Variants in ZNF469 observed in about 807,000 individuals in gnomAD.
The protein encoded by ZNF469 is zinc finger protein 469.
In ZNF469, 1 loss-of-function variant was observed where a neutral mutation model predicts 1.0. The observed-to-expected ratio is 1.00, with a 90% confidence interval of 0.35 to 4.73. The LOEUF is 4.73. ZNF469 is among the 30% of genes most tolerant of loss of function. The probability of loss-of-function intolerance (pLI) is 0.16; values close to 1 mark genes in which losing one functional copy is unlikely to be tolerated. For synonymous variants in ZNF469, 2,703 were observed against 2,363.4 expected (o/e 1.14, Z -4.17); for missense variants, 6,100 against 5,356.3 (o/e 1.14, Z -4.33).
upstream of ZNF469, among the ~76,000 whole-genome samples, chr16:88,380,455 ATGCACACACACATGCACTCACACATACG>A (rs1227392744): frequency 1.8e-3 from 232 of 132,130 alleles, 2 homozygotes; most frequent in Non-Finnish European, 3.6e-4. Context: ...ACACACAGAC[ATGCACACACACATGCACTCACACATACG>A]TGCACACACA....
At chr16:88,233,890 C>G in the ZNF469 span, among the ~76,000 whole-genome samples, 1 of 152,238 alleles carries the variant, frequency 6.6e-6, no homozygotes, top group South Asian at 2.1e-4. Context: ...CTCTCTCGCC[C>G]GCAGCCCCGT....
chr16:88,437,954 G>A lies in ZNF469; in HGVS notation c.10484G>A (p.Gly3495Glu). The A allele has an allele frequency of 1.3e-6, 2 of 1,543,876 alleles. No individual in the cohort carries two copies. The highest frequency in any genetic ancestry group is 1.7e-6 in the Non-Finnish European group (2 of 1,144,560). Reference protein sequence around the residue: ...GPGEDRPPPRGSSPILSEGSL... With the variant: ...GPGEDRPPPRESSPILSEGSL... ...GGCGAGGACAGGCCTCCTCCCCGGG[G>A]AAGCAGCCCCATCCTGAGTGAGGGC... Residue 3495 changes from glycine to glutamate, a missense_variant, in exon 3 of 3, where the codon GGA becomes GAA. Physicochemically the swap from Gly to Glu is moderately conservative, Grantham distance 98. Transcript: ENST00000565624.
chr16:88,337,154 T>C, the ZNF469 span, among the ~76,000 whole-genome samples: 2 of 152,188 alleles, frequency 1.3e-5, no homozygotes, highest in Admixed American at 1.3e-4. Context: ...ACACCTGGTA[T>C]GGTTTGGCTG....
rs192697866 is a variant in ZNF469 at position 88,410,725 on chromosome 16, G to A, written c.-191-14082G>A. Among the ~76,000 whole-genome samples the A allele has an allele frequency of 4.4e-4, 67 of 151,782 alleles. 1 individual carries two copies. The highest frequency in any genetic ancestry group is 4.2e-4 in the South Asian group (2 of 4,798). ...AGTTCACGGTGACGTCTATGATGCC[G>A]TTGATGGTGCAGGTCACACAGTTCA... is the stretch of plus-strand genomic sequence containing the variant. On this transcript the variant is annotated intron_variant, in intron 1 of 2. Transcript: ENST00000565624.
At chr16:88,147,201 G>A in the ZNF469 span, among the ~76,000 whole-genome samples, 3,515 of 152,144 alleles carry the variant, frequency 0.023, 144 homozygotes, top group African/African-American at 0.08. Context: ...TCTGATGGCA[G>A]AGGAGGGGCC....
At chr16:88,185,759 C>CAGAG in the ZNF469 span, among the ~76,000 whole-genome samples, 1 of 9,148 alleles carries the variant, frequency 1.1e-4, no homozygotes, top group African/African-American at 3.8e-4. Flanking sequence ...TGCCCAGACC[C>CAGAG]ACAGACACAT....
chr16:88,291,951 G>A, the ZNF469 span, among the ~76,000 whole-genome samples: 2 of 152,216 alleles, frequency 1.3e-5, no homozygotes, highest in Non-Finnish European at 1.5e-5. Flanking sequence ...CTTGATGGCT[G>A]CTGGCTGCCC....
the ZNF469 span, among the ~76,000 whole-genome samples, chr16:88,226,837 A>T: frequency 6.7e-6 from 1 of 150,314 alleles, no homozygotes; most frequent in Non-Finnish European, 1.5e-5. Flanking sequence ...CCTCTGAGTT[A>T]AGAAGTGTGG....
upstream of ZNF469, among the ~76,000 whole-genome samples, chr16:88,380,194 C>T (rs1004974445): frequency 6.6e-6 from 1 of 151,266 alleles, no homozygotes; most frequent in Non-Finnish European, 1.5e-5. Context: ...TGCACTCACA[C>T]ACAGACATGC....
chr16:88,103,608 T>C, the ZNF469 span, among the ~76,000 whole-genome samples: 1 of 152,152 alleles, frequency 6.6e-6, no homozygotes, highest in African/African-American at 2.4e-5. Flanking sequence ...GTTTCATTTC[T>C]CCTGCATGAA....
At chr16:88,143,891 C>T in the ZNF469 span, among the ~76,000 whole-genome samples, 1 of 152,204 alleles carries the variant, frequency 6.6e-6, no homozygotes, top group African/African-American at 2.4e-5. Context: ...AAGGACCCGC[C>T]GCTATTTCCC....
At chr16:88,300,811 T>G in the ZNF469 span, among the ~76,000 whole-genome samples, 1 of 152,094 alleles carries the variant, frequency 6.6e-6, no homozygotes, top group African/African-American at 2.4e-5. Flanking sequence ...ACGCATGTGA[T>G]CCCAGAACTT....
At chr16:88,208,811 TCTCTCTC>T in the ZNF469 span, among the ~76,000 whole-genome samples, 2 of 130,072 alleles carry the variant, frequency 1.5e-5, no homozygotes, top group African/African-American at 3.0e-5. Context: ...ACACTCTCTC[TCTCTCTC>T]TCTCTCTCTC....
intron 1 of ZNF469, among the ~76,000 whole-genome samples, chr16:88,402,759 G>A (rs1365155730): frequency 6.6e-6 from 1 of 152,186 alleles, no homozygotes; most frequent in African/African-American, 2.4e-5. Flanking sequence ...TATTCCTCCG[G>A]TTCCAGGGCC....
At chr16:88,217,037 C>T in the ZNF469 span, among the ~76,000 whole-genome samples, 1 of 152,236 alleles carries the variant, frequency 6.6e-6, no homozygotes, top group East Asian at 1.9e-4. Flanking sequence ...AAAGTTGTTG[C>T]TTGCAAAATC....
the ZNF469 span, among the ~76,000 whole-genome samples, chr16:88,186,841 G>A: frequency 6.6e-6 from 1 of 152,188 alleles, no homozygotes; most frequent in South Asian, 2.1e-4. Context: ...GTCAGCCAAA[G>A]CATTTGAGGA....
the ZNF469 span, among the ~76,000 whole-genome samples, chr16:88,181,903 A>T: frequency 4.6e-5 from 7 of 152,368 alleles, no homozygotes; most frequent in South Asian, 2.1e-4. Flanking sequence ...AGCCAGGAAA[A>T]GAAGTGAAAG....
the ZNF469 span, among the ~76,000 whole-genome samples, chr16:88,370,969 G>A: frequency 4.6e-5 from 7 of 152,332 alleles, no homozygotes; most frequent in East Asian, 1.9e-4. Context: ...GGAGGCACGC[G>A]GCCCAGTCAT....
intron 1 of ZNF469, among the ~76,000 whole-genome samples, chr16:88,390,464 G>A (rs984880256): frequency 6.6e-6 from 1 of 152,342 alleles, no homozygotes; most frequent in Non-Finnish European, 1.5e-5. Context: ...CAGCCAAACA[G>A]GAGGCGGCCG....
Sources: allele counts gnomAD v4.1 joint callset (sites outside exome capture counted in the v4.1 genomes callset), GRCh38; gene constraint gnomAD v4.1.1; transcripts MANE v1.5; gene names NCBI Gene and HGNC (gene_info 2026-07-23, HGNC 2026-07-21).